NRXN1: variants seen among roughly 807,000 people sequenced by gnomAD.
NRXN1 encodes the protein neurexin 1.
NRXN1 carries 39 observed loss-of-function variants against 150.9 expected under a neutral mutation model. The observed-to-expected ratio is 0.26, with a 90% CI of 0.20 to 0.34. The LOEUF (loss-of-function observed/expected upper bound fraction) is 0.34, where lower values mean the gene tolerates loss of function less well. NRXN1 is among the 10% of genes least tolerant of loss of function. The probability of loss-of-function intolerance (pLI) is 1.00; values close to 1 mark genes in which losing one functional copy is unlikely to be tolerated. For missense variants in NRXN1, 1,815 were observed against 1,949.9 expected (o/e 0.93, Z 1.30); for synonymous variants, 924 against 757.0 (o/e 1.22, Z -3.62).
intron 17 of NRXN1, among the ~76,000 whole-genome samples, chr2:50,296,380 G>C (rs2073561207): frequency 6.6e-6 from 1 of 152,044 alleles, no homozygotes; most frequent in Non-Finnish European, 1.5e-5. Context: ...TTAAAATACA[G>C]ATCATGGGGA....
intron 18 of NRXN1, among the ~76,000 whole-genome samples, chr2:50,161,079 G>T (rs954770488): frequency 2.6e-5 from 4 of 152,070 alleles, no homozygotes; most frequent in Admixed American, 6.6e-5. Flanking sequence ...TCAATTTATA[G>T]TGTCTATTCT....
chr2:50,922,966 C>G (rs906100363), intron 3 of NRXN1, among the ~76,000 whole-genome samples: 1 of 151,846 alleles, frequency 6.6e-6, no homozygotes, highest in African/African-American at 2.4e-5. Flanking sequence ...GACTTAAAAT[C>G]CAACCAAACC....
At chr2:50,369,685 G>A (rs1389932806) in intron 17 of NRXN1, among the ~76,000 whole-genome samples, 6 of 151,860 alleles carry the variant, frequency 4.0e-5, no homozygotes, top group African/African-American at 7.3e-5. Context: ...TGAAGCTAAC[G>A]GGCATCTTTA....
In NRXN1 at chr2:50,565,365, T is replaced by C. The variant is rs552531787; in HGVS notation, c.1321-12340A>G. 3.3e-5 allele frequency among the ~76,000 whole-genome samples: 5 copies of C among 152,176 alleles called. No individual in the cohort carries two copies. In the South Asian group the frequency reaches 1.0e-3, roughly 32 times the overall value. Reference sequence around the variant, plus strand: ...TGTGTTAATAAATTACCAAAAGATATAATCGGTTTATTCACTTCAATAAAA... The same window carrying C: ...TGTGTTAATAAATTACCAAAAGATACAATCGGTTTATTCACTTCAATAAAA... On this transcript the variant is annotated intron_variant, in intron 8 of 22. Transcript: ENST00000401669.
intron 19 of NRXN1, among the ~76,000 whole-genome samples, chr2:50,069,911 T>A (rs978550572): frequency 1.4e-5 from 2 of 147,354 alleles, no homozygotes; most frequent in African/African-American, 5.0e-5. Context: ...AGTGCAGTGG[T>A]GCGATCTTGG....
chr2:50,061,432 G>A (rs898643146), intron 19 of NRXN1, among the ~76,000 whole-genome samples: 36 of 152,182 alleles, frequency 2.4e-4, no homozygotes, highest in African/African-American at 8.2e-4. Context: ...GCTTAAGCTG[G>A]TAGGTGAGAT....
At chr2:50,490,734 A>C (rs1412154602) in intron 15 of NRXN1, among the ~76,000 whole-genome samples, 4 of 152,148 alleles carry the variant, frequency 2.6e-5, no homozygotes, top group African/African-American at 9.7e-5. Flanking sequence ...CGGTGGGGCA[A>C]TGGATTAGGG....
Position 49,949,056 on chromosome 2 carries a change from A to G in NRXN1, c.4129-5265T>C, listed in dbSNP as rs1196842652. Among the ~76,000 whole-genome samples the G allele has an allele frequency of 3.3e-5, 5 of 152,144 alleles. No homozygotes were observed. The East Asian group carries it at 9.7e-4, about 30-fold the overall frequency. ...TTTAGGAAGAAAATGATTTGAACAG[A>G]ATTCAAGAAATAAAGGCTGTAAAAC... On this transcript the variant is annotated intron_variant, in intron 21 of 22. Transcript: ENST00000401669.
intron 21 of NRXN1, among the ~76,000 whole-genome samples, chr2:49,997,027 T>G (rs1454287398): frequency 6.6e-6 from 1 of 152,198 alleles, no homozygotes; most frequent in African/African-American, 2.4e-5. Flanking sequence ...CTGCTTCGTT[T>G]GAGTTATAAA....
intron 19 of NRXN1, among the ~76,000 whole-genome samples, chr2:50,072,084 T>C (rs550752083): frequency 2.4e-4 from 37 of 152,206 alleles, no homozygotes; most frequent in Non-Finnish European, 4.1e-4. Context: ...TTAATGTATA[T>C]AGAACAACTT....
At chr2:50,908,384 C>CACACACACA (rs1242069494) in intron 5 of NRXN1, among the ~76,000 whole-genome samples, 2 of 151,622 alleles carry the variant, frequency 1.3e-5, no homozygotes, top group Non-Finnish European at 2.9e-5. Flanking sequence ...CACACACACA[C>CACACACACA]AACCACACCC....
intron 5 of NRXN1, among the ~76,000 whole-genome samples, chr2:50,751,504 C>T (rs908838967): frequency 6.6e-6 from 1 of 151,854 alleles, no homozygotes; most frequent in African/African-American, 2.4e-5. Context: ...TATAAGCCTG[C>T]CAGAAAACAT....
At chr2:49,959,729 G>C (rs955061390) in intron 21 of NRXN1, among the ~76,000 whole-genome samples, 9 of 152,320 alleles carry the variant, frequency 5.9e-5, no homozygotes, top group African/African-American at 2.2e-4. Context: ...ACTTAACACT[G>C]TTCCTGGTGC....
intron 5 of NRXN1, among the ~76,000 whole-genome samples, chr2:50,629,625 G>C (rs1681879559): frequency 6.6e-6 from 1 of 151,626 alleles, no homozygotes; most frequent in Non-Finnish European, 1.5e-5. Flanking sequence ...TCAATAAAAT[G>C]TTTGAATAAT....
At chr2:50,718,205 C>A (rs551943101) in intron 5 of NRXN1, among the ~76,000 whole-genome samples, 16 of 152,214 alleles carry the variant, frequency 1.1e-4, no homozygotes, top group Non-Finnish European at 2.2e-4. Flanking sequence ...CTCTTTGGGA[C>A]TTTTATGAGA....
chr2:50,271,044 T>A (rs931584298), intron 17 of NRXN1, among the ~76,000 whole-genome samples: 4 of 152,212 alleles, frequency 2.6e-5, no homozygotes, highest in Non-Finnish European at 4.4e-5. Context: ...CACAACTGCA[T>A]AGTTACAATG....
intron 17 of NRXN1, among the ~76,000 whole-genome samples, chr2:50,249,282 T>C (rs1038245150): frequency 1.3e-5 from 2 of 152,006 alleles, no homozygotes; most frequent in Admixed American, 6.6e-5. Context: ...AAAAATCCTA[T>C]GAGAGATCAC....
intron 2 of NRXN1, among the ~76,000 whole-genome samples, chr2:50,943,290 CAT>C (rs1322834734): frequency 6.6e-6 from 1 of 152,170 alleles, no homozygotes; most frequent in Non-Finnish European, 1.5e-5. Context: ...GCGGACTTCA[CAT>C]GTTAGGCTAG....
intron 9 of NRXN1, 50 bp from the exon 10 acceptor site, chr2:50,538,686 T>G (rs200631481): frequency 3.8e-5 from 53 of 1,379,344 alleles, no homozygotes; most frequent in Admixed American, 2.7e-5. Context: ...CACCAACGTG[T>G]TATAATTATC....
Sources: allele counts gnomAD v4.1 joint callset (sites outside exome capture counted in the v4.1 genomes callset), GRCh38; gene constraint gnomAD v4.1.1; transcripts MANE v1.5; gene names NCBI Gene and HGNC (gene_info 2026-07-23, HGNC 2026-07-21).